PARD3B: variants seen among roughly 807,000 people sequenced by gnomAD.
The protein encoded by PARD3B is partitioning defective 3 homolog B.
A neutral mutation model predicts 130.2 loss-of-function variants in PARD3B; 103 were observed. The ratio of observed to expected loss-of-function variants is 0.79; its 90% CI spans 0.67 to 0.93. The LOEUF is 0.93. Ranked by LOEUF, PARD3B falls within the 40% of genes least tolerant of loss-of-function variation. The pLI is 0.00. For missense variants in PARD3B, 1,609 were observed against 1,499.2 expected (o/e 1.07, Z -1.21); for synonymous variants, 583 against 553.2 (o/e 1.05, Z -0.76).
At chr2:204,591,286 G>T (rs531020709) in intron 1 of PARD3B, among the ~76,000 whole-genome samples, 1 of 152,144 alleles carries the variant, frequency 6.6e-6, no homozygotes, top group African/African-American at 2.4e-5. Flanking sequence ...GTCTTTTATT[G>T]TGGGGCTGAC....
chr2:205,402,961 T>C (rs7559398), intron 19 of PARD3B, among the ~76,000 whole-genome samples: 11,697 of 152,168 alleles, frequency 0.077, 719 homozygotes, highest in African/African-American at 0.17. Flanking sequence ...CCACGGATGG[T>C]GGAGGTGGAG....
intron 12 of PARD3B, among the ~76,000 whole-genome samples, chr2:205,173,312 C>G (rs1402241670): frequency 6.6e-6 from 1 of 152,110 alleles, no homozygotes; most frequent in East Asian, 1.9e-4. Flanking sequence ...GGTAGTGGGG[C>G]TCATTGTAGT....
chr2:205,522,476 T>A (rs1449695926), intron 21 of PARD3B, among the ~76,000 whole-genome samples: 1 of 152,082 alleles, frequency 6.6e-6, no homozygotes, highest in African/African-American at 2.4e-5. Context: ...AAAGTTGGCA[T>A]AATATATGGT....
At chr2:205,435,844 T>G (rs2047494816) in intron 19 of PARD3B, among the ~76,000 whole-genome samples, 1 of 152,170 alleles carries the variant, frequency 6.6e-6, no homozygotes, top group Non-Finnish European at 1.5e-5. Context: ...ATATTTAGTC[T>G]TAGTTTTATA....
chr2:205,191,981 G>A (rs2125802929), intron 14 of PARD3B, among the ~76,000 whole-genome samples: 1 of 152,226 alleles, frequency 6.6e-6, no homozygotes, highest in East Asian at 1.9e-4. Context: ...AGACTCCCAA[G>A]TAACTGGGAC....
intron 4 of PARD3B, among the ~76,000 whole-genome samples, chr2:205,055,679 C>T (rs1575658054): frequency 6.6e-6 from 1 of 152,166 alleles, no homozygotes; most frequent in African/African-American, 2.4e-5. Flanking sequence ...ACTTATCCAT[C>T]CAAACTAGTG....
chr2:204,880,186 C>T (rs939773904), intron 2 of PARD3B, among the ~76,000 whole-genome samples: 1 of 152,066 alleles, frequency 6.6e-6, no homozygotes, highest in East Asian at 1.9e-4. Flanking sequence ...ATCTCTTTCT[C>T]TTAGTTGTTT....
intron 4 of PARD3B, among the ~76,000 whole-genome samples, chr2:205,050,224 AATT>A (rs1216877417): frequency 2.0e-5 from 3 of 149,080 alleles, no homozygotes; most frequent in African/African-American, 7.4e-5. Context: ...AATTAATAAT[AATT>A]AATCTGACTC....
chr2:204,715,001 G>T (rs762731799), intron 2 of PARD3B, among the ~76,000 whole-genome samples: 1 of 152,086 alleles, frequency 6.6e-6, no homozygotes, highest in African/African-American at 2.4e-5. Context: ...AAAACAAATT[G>T]CAGGACACTC....
chr2:204,814,141 G>T (rs1037180234), intron 2 of PARD3B, among the ~76,000 whole-genome samples: 32 of 152,026 alleles, frequency 2.1e-4, no homozygotes, highest in African/African-American at 7.2e-4. Context: ...GTCTCCCTGA[G>T]AAATCTCATG....
At position 205,183,231 on chromosome 2, in the gene PARD3B, T is replaced by C. The variant is rs1211552253; in HGVS notation, c.1925-2533T>C. The stretch of plus-strand genomic sequence containing the variant: ...TGGCAGGGAATGGTAAGCTAACGGG[T>C]AATGGGAGATAAAGTTGTTTGCCAG... On this transcript the variant is annotated intron_variant, in intron 13 of 22. Transcript: ENST00000406610. This position sits in a 1 kb window ranked among gnomAD's most constrained non-coding sequence, Gnocchi z 5.2. Among the ~76,000 whole-genome samples, 2 of 152,054 alleles carry C rather than the reference T, an allele frequency of 1.3e-5. No homozygotes were observed. The highest frequency in any genetic ancestry group is 1.9e-4 in the East Asian group (1 of 5,152).
intron 21 of PARD3B, among the ~76,000 whole-genome samples, chr2:205,529,647 C>T (rs73060124): frequency 1.2e-3 from 179 of 152,246 alleles, no homozygotes; most frequent in African/African-American, 3.9e-3. Flanking sequence ...TTTACTGACA[C>T]GGCTGTTTGA....
chr2:204,636,453 A>AGTGTGTGTGTGT (rs10596741), intron 1 of PARD3B, among the ~76,000 whole-genome samples: 21 of 139,396 alleles, frequency 1.5e-4, no homozygotes, highest in African/African-American at 5.6e-4. Flanking sequence ...AGGTCAGGTG[A>AGTGTGTGTGTGT]GTGTGTGTGT....
At chr2:204,672,182 G>A (rs1469745002) in intron 1 of PARD3B, among the ~76,000 whole-genome samples, 3 of 152,196 alleles carry the variant, frequency 2.0e-5, no homozygotes, top group African/African-American at 7.2e-5. Context: ...AGTAGATAAG[G>A]TGTTACACCC....
At chr2:205,544,064 TAAAAC>T (rs923034219) in intron 21 of PARD3B, among the ~76,000 whole-genome samples, 2 of 152,174 alleles carry the variant, frequency 1.3e-5, no homozygotes, top group Admixed American at 1.3e-4. Flanking sequence ...GAGTGTACAA[TAAAAC>T]AAAACAGCAA....
chr2:204,692,922 A>G (rs1203699607), intron 2 of PARD3B, among the ~76,000 whole-genome samples: 1 of 152,076 alleles, frequency 6.6e-6, no homozygotes, highest in Non-Finnish European at 1.5e-5. Flanking sequence ...GGAAGAGGTT[A>G]TAGAACACGA....
intron 13 of PARD3B, among the ~76,000 whole-genome samples, chr2:205,179,817 A>G (rs1384604729): frequency 6.6e-6 from 1 of 152,250 alleles, no homozygotes; most frequent in Non-Finnish European, 1.5e-5. Flanking sequence ...ATGAAACCAT[A>G]GAAGTAGTTA....
At chr2:204,655,757 AC>A (rs2035617713) in intron 1 of PARD3B, among the ~76,000 whole-genome samples, 1 of 152,050 alleles carries the variant, frequency 6.6e-6, no homozygotes. Flanking sequence ...TATCTGAATA[AC>A]AACCACAAAC....
chr2:205,106,653 T>A (rs1388507748), intron 5 of PARD3B, among the ~76,000 whole-genome samples: 1 of 152,142 alleles, frequency 6.6e-6, no homozygotes, highest in Admixed American at 6.5e-5. Flanking sequence ...ACCACTCTTG[T>A]CTACAAAGCC....
Sources: gnomAD v4.1 joint callset for allele counts (sites outside exome capture counted in the v4.1 genomes callset) on GRCh38, gnomAD v4.1.1 for gene constraint, Gnocchi (gnomAD v3.1) non-coding constraint, MANE v1.5 for transcripts, NCBI Gene and HGNC (gene_info 2026-07-23, HGNC 2026-07-21) for gene names.